Variants in ACSF2 observed in about 807,000 individuals in gnomAD.
ACSF2 encodes medium-chain acyl-CoA ligase ACSF2, mitochondrial.
In ACSF2, 52 loss-of-function variants were observed where a neutral mutation model predicts 79.3. The observed-to-expected ratio is 0.66, with a 90% CI of 0.53 to 0.83. The LOEUF is 0.83. Among genes scored for constraint, ACSF2 ranks in the 40% least tolerant of loss-of-function variants. ACSF2 has a pLI of 0.00. For missense variants in ACSF2, 661 were observed against 803.3 expected (o/e 0.82, Z 2.14); for synonymous variants, 283 against 312.6 (o/e 0.91, Z 1.00).
chr17:50,446,286 GAC>G (rs1302323697), intron 1 of ACSF2, among the ~76,000 whole-genome samples: 3 of 151,850 alleles, frequency 2.0e-5, no homozygotes, highest in African/African-American at 7.3e-5. Flanking sequence ...TGAAATATAT[GAC>G]AGATTCAGAA....
chr17:50,426,445 T>C, intron 1 of ACSF2, 56 bp downstream of exon 1: 1 of 1,273,158 alleles, frequency 7.9e-7, no homozygotes, highest in Non-Finnish European at 1.0e-6. Context: ...GAGAGGAACT[T>C]GGAGGTCCCG....
rs758756338 is a variant in ACSF2, at chr17:50,471,123, G to A, written c.1311G>A (p.Met437Ile). 1.9e-6 allele frequency: 3 copies of A among 1,613,930 alleles called. No homozygotes were observed. In the South Asian group the frequency reaches 3.3e-5, roughly 18 times the overall value. ...AGGCAGAAAGCGTGGGCAGAATTAT[G>A]CCTCACACGGAGGTGAGCCCCTGAC... is the stretch of plus-strand genomic sequence containing the variant. The part of the protein sequence containing the change: ...EQKAESVGRI[M>I]PHTEARIMNM... The change falls in exon 11 of 16, where the codon ATG becomes ATA. Residue 437 changes from methionine (M) to isoleucine (I), a missense_variant. By Grantham distance (10) the Met-to-Ile change is conservative (BLOSUM62 1). Transcript: ENST00000300441. The surrounding 1 kb of genome is among the most constrained non-coding windows in gnomAD (Gnocchi z 4.1).
intron 10 of ACSF2, chr17:50,465,947 C>A: frequency 6.5e-7 from 1 of 1,541,570 alleles, no homozygotes; most frequent in South Asian, 1.1e-5. Flanking sequence ...GCCAGAGGGG[C>A]AGGATCCTTC....
chr17:50,470,967 G>A (rs1368315320), intron 10 of ACSF2, 61 bp from the exon 11 acceptor site: 1 of 1,228,532 alleles, frequency 8.1e-7, no homozygotes, highest in Admixed American at 1.8e-5. Flanking sequence ...TCCTCAGATA[G>A]CTCACCTGAT....
chr17:50,465,485 G>T (rs910648242), intron 10 of ACSF2: 3 of 1,607,038 alleles, frequency 1.9e-6, no homozygotes, highest in African/African-American at 2.7e-5. Context: ...AGGTGGGAGT[G>T]CTGGGGGGAA....
At chr17:50,468,085 G>A in intron 10 of ACSF2, 2 of 1,612,122 alleles carry the variant, frequency 1.2e-6, no homozygotes, top group South Asian at 1.1e-5. Context: ...CCAGGTATCT[G>A]CCAAAGGACT....
chr17:50,464,397 C>G lies in ACSF2; in HGVS notation c.1215+103C>G, dbSNP rs530764325. 4.6e-5 allele frequency: 55 copies of G among 1,184,566 alleles called. No individual in the cohort carries two copies. The East Asian group carries it at 1.3e-3, about 27-fold the overall frequency. The allele number at this position is 1,184,566 out of a possible 1,614,324, so 73.4% of individuals were successfully genotyped here. A position where few individuals can be genotyped will look rare whatever the true frequency, so the allele number is the denominator to read the frequency against. On this transcript the variant is annotated intron_variant, in intron 10 of 15. Transcript: ENST00000300441. ...CCAGGCCAGATGTTCAAAGGAGACC[C>G]TCTCAGCCAGCCCTCCTTCCAGAAA...
Position 50,463,270 on chromosome 17 carries a change from C to T in ACSF2, c.888+19C>T, listed in dbSNP as rs569106202. On this transcript the variant is annotated intron_variant, in intron 7 of 15. Transcript: ENST00000300441. This position sits in a 1 kb window ranked among gnomAD's most constrained non-coding sequence, Gnocchi z 4.6. ...TGAGAAGGTGAGGCGGCACTAGGCC[C>T]AGGGCAAGGCTGCAGGAGGGGTGGC... is the stretch of plus-strand genomic sequence containing the variant. The T allele has an allele frequency of 2.8e-4, 452 of 1,613,760 alleles. 7 individuals are homozygous for T. In the South Asian group the frequency reaches 4.6e-3, roughly 16 times the overall value.
chr17:50,468,268 C>T, intron 10 of ACSF2: 1 of 1,611,154 alleles, frequency 6.2e-7, no homozygotes, highest in Non-Finnish European at 8.5e-7. Context: ...GGGAGCTCAA[C>T]GCGTTTTCCG....
chr17:50,438,778 G>C (rs777969193), intron 1 of ACSF2, among the ~76,000 whole-genome samples: 39 of 152,076 alleles, frequency 2.6e-4, no homozygotes, highest in Non-Finnish European at 4.6e-4. Context: ...TATTGGCCGG[G>C]CTGGTCTCAA....
In ACSF2 at chr17:50,448,956, C is replaced by A. The variant is rs187986198; in HGVS notation, c.129-11721C>A. 2.0e-5 allele frequency among the ~76,000 whole-genome samples: 3 copies of A among 148,486 alleles called. No homozygotes were observed. The East Asian group carries it at 5.9e-4, about 29-fold the overall frequency. On this transcript the variant is annotated intron_variant, in intron 1 of 15. Coordinates refer to ENST00000300441, the MANE Select transcript of ACSF2 (RefSeq NM_025149.6). ...TTGATTCTAACAACTTTTTCACAAACTATGTATGTATTTGGAATTATTTCA... is the reference window on the plus strand; with the variant it reads ...TTGATTCTAACAACTTTTTCACAAAATATGTATGTATTTGGAATTATTTCA...
chr17:50,452,467 T>C (rs1598409575), intron 1 of ACSF2, among the ~76,000 whole-genome samples: 1 of 148,504 alleles, frequency 6.7e-6, no homozygotes, highest in Non-Finnish European at 1.5e-5. Context: ...CTGGGTGACA[T>C]AGTGAGTCTC....
intron 2 of ACSF2, 73 bp from the exon 3 acceptor site, chr17:50,461,169 G>T: frequency 6.2e-7 from 1 of 1,604,386 alleles, no homozygotes. Context: ...CCGGGCTAAG[G>T]GCTGAGGGTG....
At chr17:50,465,451 GA>G in intron 10 of ACSF2, 1 of 1,613,534 alleles carries the variant, frequency 6.2e-7, no homozygotes, top group Non-Finnish European at 8.5e-7. Flanking sequence ...TGGAGAGACA[GA>G]AACTTGCTGG....
chr17:50,431,623 T>C (rs545803062), intron 1 of ACSF2, among the ~76,000 whole-genome samples: 42 of 152,338 alleles, frequency 2.8e-4, no homozygotes, highest in African/African-American at 8.9e-4. Context: ...GCCTCCCAAG[T>C]AGCTAGGACT....
Position 50,468,506 on chromosome 17 carries a change from T to C in ACSF2, c.1216-2522T>C. On this transcript the variant is annotated intron_variant, in intron 10 of 15. Coordinates refer to ENST00000300441, the MANE Select transcript of ACSF2 (RefSeq NM_025149.6). The stretch of plus-strand genomic sequence containing the variant: ...GATGTCGTTATGGGACAGGTACAAG[T>C]AGATAAGTTGCTTGAGGCCGCGGAA... The C allele has an allele frequency of 6.2e-7, 1 of 1,614,226 alleles. No homozygotes were observed. The highest frequency in any genetic ancestry group is 8.5e-7 in the Non-Finnish European group (1 of 1,180,034).
chr17:50,452,651 C>T (rs1284621095), intron 1 of ACSF2, among the ~76,000 whole-genome samples: 1 of 151,998 alleles, frequency 6.6e-6, no homozygotes, highest in East Asian at 1.9e-4. Context: ...CCTGCACGTT[C>T]TACACGTGTA....
chr17:50,449,040 G>A (rs1157347975), intron 1 of ACSF2, among the ~76,000 whole-genome samples: 3 of 114,838 alleles, frequency 2.6e-5, no homozygotes, highest in Non-Finnish European at 5.0e-5. Flanking sequence ...TTTTGGAGAT[G>A]GAGTCTCGCT....
At chr17:50,469,008 C>G in intron 10 of ACSF2, 1 of 1,356,940 alleles carries the variant, frequency 7.4e-7, no homozygotes, top group African/African-American at 1.5e-5. Context: ...CGCCCCCGCC[C>G]TCCACGGGGA....
Sources: gnomAD v4.1 joint callset for allele counts (sites outside exome capture counted in the v4.1 genomes callset) on GRCh38, gnomAD v4.1.1 for gene constraint, Gnocchi (gnomAD v3.1) non-coding constraint, MANE v1.5 for transcripts, NCBI Gene and HGNC (gene_info 2026-07-23, HGNC 2026-07-21) for gene names.